FAM240C: variants seen among roughly 807,000 people sequenced by gnomAD.
The protein encoded by FAM240C is family with sequence similarity 240 member C.
In FAM240C, 14 loss-of-function variants were observed where a neutral mutation model predicts 10.0. The observed-to-expected ratio is 1.40, with a 90% CI of 0.92 to 2.19. FAM240C has a LOEUF of 2.19. Ranked by LOEUF, FAM240C falls within the 30% of genes most tolerant of loss-of-function variation. FAM240C has a pLI of 0.00. For synonymous variants in FAM240C, 49 were observed against 44.3 expected (o/e 1.11, Z -0.42); for missense variants, 154 against 122.3 (o/e 1.26, Z -1.22).
Position 241,900,399 on chromosome 2 carries a change from C to T in FAM240C, c.-30G>A, listed in dbSNP as rs757318387. 35 of 717,066 alleles carry T rather than the reference C, an allele frequency of 4.9e-5. No individual in the cohort carries two copies. The highest frequency in any genetic ancestry group is 2.2e-4 in the Admixed American group (11 of 49,988). The allele number at this position is 717,066 out of a possible 1,614,324, so 44.4% of individuals were successfully genotyped here. On this transcript the variant is annotated 5_prime_UTR_variant, in exon 1 of 3. Transcript: ENST00000404031. The surrounding 1 kb of genome is among the most constrained non-coding windows in gnomAD (Gnocchi z 4.5). ...CAGTGACGGGCAGGTTTTCCTGTCT[C>T]TGTTGAGGGTCCTCAGCCTGTCCTC...
At chr2:241,894,865 G>A (rs1329473231) in intron 2 of FAM240C, among the ~76,000 whole-genome samples, 2 of 152,180 alleles carry the variant, frequency 1.3e-5, no homozygotes, top group Admixed American at 6.5e-5. Flanking sequence ...TCACCTGCCC[G>A]GCCTGGCCAC....
At chr2:241,902,064 T>C (rs950034931), upstream of FAM240C, among the ~76,000 whole-genome samples, 1 of 152,200 alleles carries the variant, frequency 6.6e-6, no homozygotes, top group African/African-American at 2.4e-5. This position sits in a 1 kb window ranked among gnomAD's most constrained non-coding sequence, Gnocchi z 7.1. Context: ...GTAGGTCAAG[T>C]GTGCACTATC....
chr2:241,894,966 G>T (rs886791400), intron 2 of FAM240C, among the ~76,000 whole-genome samples: 10 of 152,212 alleles, frequency 6.6e-5, no homozygotes, highest in Non-Finnish European at 1.5e-4. Flanking sequence ...GGCTCCCCGA[G>T]ACCTGGGCAG....
upstream of FAM240C, among the ~76,000 whole-genome samples, chr2:241,900,721 C>T (rs1701964356): frequency 6.8e-6 from 1 of 147,264 alleles, no homozygotes; most frequent in Admixed American, 7.0e-5. This position sits in a 1 kb window ranked among gnomAD's most constrained non-coding sequence, Gnocchi z 4.5. Context: ...CGTCGGGGCA[C>T]CTAGGAGTCC....
chr2:241,896,494 GTGGGTGAAGGGGGT>G, intron 2 of FAM240C, among the ~76,000 whole-genome samples: 4 of 74,056 alleles, frequency 5.4e-5, no homozygotes, highest in Non-Finnish European at 6.9e-5. Context: ...GGAAGGGGGT[GTGGGTGAAGGGGGT>G]GTGGGTGTTG....
At chr2:241,900,848 G>C (rs972644783), upstream of FAM240C, among the ~76,000 whole-genome samples, 4 of 152,090 alleles carry the variant, frequency 2.6e-5, no homozygotes, top group Non-Finnish European at 5.9e-5. This position sits in a 1 kb window ranked among gnomAD's most constrained non-coding sequence, Gnocchi z 4.5. Flanking sequence ...AAATGCTTAG[G>C]GTCTCTCTGC....
rs1472741949 is a variant in FAM240C, at chr2:241,894,062, C to T, written c.*151G>A. On this transcript the variant is annotated 3_prime_UTR_variant, in exon 3 of 3. Transcript: ENST00000404031. ...TGGGACTCTGCTGCAGCGTGGACCC[C>T]GAGGTGGGATTATTACGGGGTCAGC... The T allele has an allele frequency of 9.3e-6, 8 of 863,054 alleles. No individual in the cohort carries two copies. The highest frequency in any genetic ancestry group is 2.0e-5 in the South Asian group (1 of 49,854). The allele number at this position is 863,054 out of a possible 1,614,324, so 53.5% of individuals were successfully genotyped here.
chr2:241,894,286 C>T lies in FAM240C; in HGVS notation c.215G>A (p.Gly72Asp). ...GACCCTGTCTGGGCATCTCCCTGGG[C>T]CCTGCAGCATCTTGTTCCTCCCCTC... ...QLEGRNKMLQ[G>D]PGRCPDRVPE... The change falls in exon 3 of 3, where the codon GGC (glycine) becomes GAC (aspartate). Residue 72 changes from glycine to aspartate, a missense_variant. Transcript: ENST00000404031. 1 of 1,549,744 alleles carries T rather than the reference C, an allele frequency of 6.5e-7. No homozygotes were observed. Among genetic ancestry groups the T allele is most frequent in the South Asian group, 1.2e-5 (1 of 84,054 alleles).
chr2:241,899,795 C>T lies in FAM240C; in HGVS notation c.12+563G>A, dbSNP rs953094050. ...GAAGAAACAGACACGCGGCCGGGCG[C>T]GGTGGCTCAGGCCTGGAATCCCAGC... On this transcript the variant is annotated intron_variant, in intron 1 of 2. Coordinates refer to ENST00000404031, the MANE Select transcript of FAM240C (RefSeq NM_001382368.1). 3.9e-5 allele frequency among the ~76,000 whole-genome samples: 6 copies of T among 152,296 alleles called. No individual in the cohort carries two copies. In the East Asian group the frequency reaches 5.8e-4, roughly 15 times the overall value.
rs1319482838 is a variant in FAM240C, at chr2:241,894,351, C to T, written c.162-12G>A. ...ATCCCACGCGGAGCCTGGGGCAGGG[C>T]GATAATTTCGGCATTGTGAGTCAAG... On this transcript the variant is annotated splice_polypyrimidine_tract_variant and intron_variant, in intron 2 of 2. Transcript: ENST00000404031. The T allele has an allele frequency of 5.2e-6, 8 of 1,534,736 alleles. No homozygotes were observed. The highest frequency in any genetic ancestry group is 2.4e-5 in the South Asian group (2 of 83,796).
At chr2:241,894,833 C>T (rs990307696) in intron 2 of FAM240C, among the ~76,000 whole-genome samples, 1 of 152,190 alleles carries the variant, frequency 6.6e-6, no homozygotes, top group African/African-American at 2.4e-5. Flanking sequence ...GTGCCCACTT[C>T]CTTCTCGCTT....
At position 241,897,250 on chromosome 2, in the gene FAM240C, T is replaced by G. The variant is rs781521018; in HGVS notation, c.97A>C (p.Ile33Leu). 12 of 1,549,758 alleles carry G rather than the reference T, an allele frequency of 7.7e-6. No individual in the cohort carries two copies. The African/African-American group carries it at 1.4e-4, about 18-fold the overall frequency. ...TGCAGGTGTCTTGCGTGATGCTCGA[T>G]TTTTTTCTCCCAAAACATCTTTATC... ...GGIKMFWEKK[I>L]EHHARHLQNE... The change falls in exon 2 of 3, where the codon ATC becomes CTC. Residue 33 changes from isoleucine to leucine, a missense_variant. Ile to Leu is a conservative substitution (Grantham distance 5). Transcript: ENST00000404031.
At position 241,900,173 on chromosome 2, in the gene FAM240C, G is replaced by A. The variant is rs549829269; in HGVS notation, c.12+185C>T. 8.5e-5 allele frequency among the ~76,000 whole-genome samples: 13 copies of A among 152,300 alleles called. No individual in the cohort carries two copies. The highest frequency in any genetic ancestry group is 1.9e-4 in the Non-Finnish European group (13 of 68,030). On this transcript the variant is annotated intron_variant, in intron 1 of 2. Transcript: ENST00000404031. This position sits in a 1 kb window ranked among gnomAD's most constrained non-coding sequence, Gnocchi z 4.5. The stretch of plus-strand genomic sequence containing the variant: ...ATGGAGACACTCTCCCCCCACCAAA[G>A]GTGTTGACAGCAGGAATCCCAGTGG...
upstream of FAM240C, among the ~76,000 whole-genome samples, chr2:241,901,587 C>T (rs1418696951): frequency 6.6e-6 from 1 of 152,102 alleles, no homozygotes; most frequent in Non-Finnish European, 1.5e-5. This position sits in a 1 kb window ranked among gnomAD's most constrained non-coding sequence, Gnocchi z 4.9. Context: ...TGGCTCCCTG[C>T]GAACTGGGGT....
chr2:241,901,696 C>G (rs1025784615), upstream of FAM240C, among the ~76,000 whole-genome samples: 12 of 152,230 alleles, frequency 7.9e-5, no homozygotes, highest in African/African-American at 2.9e-4. This position sits in a 1 kb window ranked among gnomAD's most constrained non-coding sequence, Gnocchi z 4.9. Context: ...CGGTGAGAAC[C>G]AGCAGCTGCT....
Position 241,900,256 on chromosome 2 carries a change from G to C in FAM240C, c.12+102C>G. 1.5e-6 allele frequency: 1 copy of C among 685,100 alleles called. No homozygotes were observed. 42.4% of individuals were successfully genotyped at this position (685,100 alleles called of 1,614,324 possible). On this transcript the variant is annotated intron_variant, in intron 1 of 2. Coordinates refer to ENST00000404031, the MANE Select transcript of FAM240C (RefSeq NM_001382368.1). The surrounding 1 kb of genome is among the most constrained non-coding windows in gnomAD (Gnocchi z 4.5). ...CGAAATGCGGGTGGGCTCACGTCTTGTGCCAGATATGTCACATACTCTGTT... is the reference window on the plus strand; with the variant it reads ...CGAAATGCGGGTGGGCTCACGTCTTCTGCCAGATATGTCACATACTCTGTT...
intron 2 of FAM240C, among the ~76,000 whole-genome samples, chr2:241,894,651 T>C (rs1347631469): frequency 1.4e-5 from 2 of 147,688 alleles, no homozygotes; most frequent in Non-Finnish European, 3.0e-5. Context: ...GCAGCCTGGG[T>C]CCCCAGTTCT....
chr2:241,895,100 A>G (rs62191173), intron 2 of FAM240C, among the ~76,000 whole-genome samples: 43,466 of 152,204 alleles, frequency 0.29, 7,046 homozygotes, highest in East Asian at 0.63. Context: ...GACACTTGTC[A>G]CAGATGCCCA....
chr2:241,900,406 G>C lies in FAM240C; in HGVS notation c.-37C>G, dbSNP rs1398410592. ...GGGCAGGTTTTCCTGTCTCTGTTGA[G>C]GGTCCTCAGCCTGTCCTCTCCGGGG... On this transcript the variant is annotated 5_prime_UTR_variant, in exon 1 of 3. Transcript: ENST00000404031. This position sits in a 1 kb window ranked among gnomAD's most constrained non-coding sequence, Gnocchi z 4.5. The C allele has an allele frequency of 9.8e-6, 7 of 716,976 alleles. No individual in the cohort carries two copies. Among genetic ancestry groups the C allele is most frequent in the Non-Finnish European group, 1.8e-5 (7 of 385,048 alleles). The allele number at this position is 716,976 out of a possible 1,614,324, so 44.4% of individuals were successfully genotyped here.
Sources: allele counts gnomAD v4.1 joint callset (sites outside exome capture counted in the v4.1 genomes callset), GRCh38; gene constraint gnomAD v4.1.1; non-coding constraint Gnocchi (gnomAD v3.1); transcripts MANE v1.5; gene names NCBI Gene and HGNC (gene_info 2026-07-23, HGNC 2026-07-21).